MAP4K3: variants seen among roughly 807,000 people sequenced by gnomAD.
The protein encoded by MAP4K3 is MAPK/ERK kinase kinase kinase 3.
Under a neutral mutation model 143.5 loss-of-function variants are expected in MAP4K3, and 94 were observed. The observed-to-expected ratio is 0.65, with a 90% CI of 0.55 to 0.78. MAP4K3 has a LOEUF of 0.78. Ranked by LOEUF, MAP4K3 falls within the 30% of genes least tolerant of loss-of-function variation. The pLI, the probability that MAP4K3 is intolerant of heterozygous loss-of-function variation, is 0.00. For missense variants in MAP4K3, 1,077 were observed against 1,068.1 expected (o/e 1.01, Z -0.12); for synonymous variants, 416 against 347.2 (o/e 1.20, Z -2.20).
At chr2:39,338,179 G>C (rs1665032104) in intron 4 of MAP4K3, among the ~76,000 whole-genome samples, 2 of 152,134 alleles carry the variant, frequency 1.3e-5, no homozygotes, top group South Asian at 4.1e-4. Context: ...AATGTCTAAA[G>C]TAGTCACTGA....
In MAP4K3 at chr2:39,309,551, T is replaced by TTTA. The variant is rs1442170394; in HGVS notation, c.998-33_998-32insTAA. The TTTA allele has an allele frequency of 7.7e-5, 67 of 872,800 alleles. 1 individual carries two copies. Among genetic ancestry groups the TTTA allele is most frequent in the Non-Finnish European group, 9.7e-5 (63 of 646,454 alleles). The allele number at this position is 872,800 out of a possible 1,614,324, so 54.1% of individuals were successfully genotyped here. ...AAGAAAAAAAAGTAAAACCAGGATT[T>TTTA]TTTTTTTTTTTTTTTTTTTTTTTTG... is the stretch of plus-strand genomic sequence containing the variant. On this transcript the variant is annotated intron_variant, in intron 13 of 33. Transcript: ENST00000263881.
At chr2:39,348,173 C>T (rs996919447) in intron 3 of MAP4K3, among the ~76,000 whole-genome samples, 1 of 152,026 alleles carries the variant, frequency 6.6e-6, no homozygotes, top group Middle Eastern at 3.2e-3. Context: ...AGTTTGAAAA[C>T]AATTTTCCTT....
intron 1 of MAP4K3, among the ~76,000 whole-genome samples, chr2:39,385,551 CATATATATAT>C (rs140387430): frequency 0.036 from 4,049 of 111,090 alleles, 99 homozygotes; most frequent in Middle Eastern, 0.071. Context: ...GAGCGTTCTT[CATATATATAT>C]ATATATATAT....
chr2:39,408,572 T>C (rs957674504), intron 1 of MAP4K3, among the ~76,000 whole-genome samples: 4 of 151,520 alleles, frequency 2.6e-5, no homozygotes, highest in African/African-American at 4.9e-5. Flanking sequence ...TGCCCAGATG[T>C]TGCACATGAC....
intron 1 of MAP4K3, among the ~76,000 whole-genome samples, chr2:39,413,716 G>A (rs1182187899): frequency 7.1e-6 from 1 of 139,996 alleles, no homozygotes; most frequent in Non-Finnish European, 1.6e-5. Context: ...CCAGACAGGG[G>A]AGTCCGTTAA....
intron 13 of MAP4K3, among the ~76,000 whole-genome samples, 163 bp from the exon 14 acceptor site, chr2:39,309,682 C>T (rs879282840): frequency 4.0e-5 from 6 of 150,828 alleles, no homozygotes; most frequent in Non-Finnish European, 8.9e-5. Flanking sequence ...CTCAGCCTCC[C>T]GAGTAGCTGG....
At chr2:39,323,030 AT>A (rs1371319222) in intron 12 of MAP4K3, among the ~76,000 whole-genome samples, 2 of 152,164 alleles carry the variant, frequency 1.3e-5, no homozygotes, top group African/African-American at 4.8e-5. Flanking sequence ...AAATTCTTAG[AT>A]ACATTCGTAT....
chr2:39,358,444 G>T (rs1558664548), intron 2 of MAP4K3, among the ~76,000 whole-genome samples: 1 of 152,128 alleles, frequency 6.6e-6, no homozygotes, highest in Non-Finnish European at 1.5e-5. Context: ...TCATCCAATT[G>T]TTAGCATGTT....
At chr2:39,274,166 A>C (rs545169509) in intron 24 of MAP4K3, among the ~76,000 whole-genome samples, 1 of 152,134 alleles carries the variant, frequency 6.6e-6, no homozygotes, top group East Asian at 1.9e-4. Flanking sequence ...AAAGGTATTT[A>C]TGTATAGTTT....
At chr2:39,270,302 A>G (rs931458132) in intron 26 of MAP4K3, among the ~76,000 whole-genome samples, 1 of 152,212 alleles carries the variant, frequency 6.6e-6, no homozygotes, top group Admixed American at 6.5e-5. Context: ...TTCTATAGTG[A>G]TCTATAGACT....
intron 1 of MAP4K3, among the ~76,000 whole-genome samples, chr2:39,378,551 C>G (rs1666280671): frequency 6.6e-6 from 1 of 152,124 alleles, no homozygotes; most frequent in African/African-American, 2.4e-5. Context: ...TCTAACTCCA[C>G]AGTCTGAGCC....
Position 39,273,208 on chromosome 2 carries a change from C to T in MAP4K3, c.1795-666G>A, listed in dbSNP as rs185352452. On this transcript the variant is annotated intron_variant, in intron 24 of 33. Transcript: ENST00000263881. ...CTATATATTTAAAAAAAAATACTCT[C>T]ATTAAGACATTTCGTTATGCGTATC... Among the ~76,000 whole-genome samples the T allele has an allele frequency of 2.0e-5, 3 of 152,216 alleles. No homozygotes were observed. In the East Asian group the frequency reaches 5.8e-4, roughly 29 times the overall value.
chr2:39,250,904 ACCTCTAGGCCAGTGTT>A (rs1680130386), intron 33 of MAP4K3, among the ~76,000 whole-genome samples, 199 bp from the exon 34 acceptor site: 1 of 152,104 alleles, frequency 6.6e-6, no homozygotes, highest in South Asian at 2.1e-4. Flanking sequence ...ACTACCTCCC[ACCTCTAGGCCAGTGTT>A]CTTCTAAGAG....
chr2:39,426,159 G>C (rs1256120349), intron 1 of MAP4K3, among the ~76,000 whole-genome samples: 2 of 152,088 alleles, frequency 1.3e-5, no homozygotes, highest in Non-Finnish European at 2.9e-5. Context: ...ATTCACTGAG[G>C]ATACACATCA....
At chr2:39,426,768 C>T (rs1296373408) in intron 1 of MAP4K3, among the ~76,000 whole-genome samples, 1 of 151,618 alleles carries the variant, frequency 6.6e-6, no homozygotes, top group Non-Finnish European at 1.5e-5. Context: ...ATTAGACAGA[C>T]ATAATTAAAG....
intron 15 of MAP4K3, among the ~76,000 whole-genome samples, chr2:39,305,830 A>ATT (rs1227094657): frequency 2.1e-5 from 3 of 144,680 alleles, no homozygotes; most frequent in South Asian, 2.2e-4. Flanking sequence ...AGTATTTGTA[A>ATT]TTTTTTTTTT....
intron 13 of MAP4K3, among the ~76,000 whole-genome samples, chr2:39,312,614 G>A (rs918539991): frequency 6.6e-6 from 1 of 152,280 alleles, no homozygotes. Flanking sequence ...CTCCAGTTAT[G>A]TCTGGGTGTG....
intron 32 of MAP4K3, among the ~76,000 whole-genome samples, chr2:39,253,144 T>C (rs1020499505): frequency 2.0e-5 from 3 of 152,168 alleles, no homozygotes; most frequent in Non-Finnish European, 2.9e-5. Flanking sequence ...CACCTTTTTT[T>C]TGGAGGGGGA....
intron 13 of MAP4K3, among the ~76,000 whole-genome samples, chr2:39,313,143 C>A (rs1682996395): frequency 6.6e-6 from 1 of 152,212 alleles, no homozygotes; most frequent in Admixed American, 6.5e-5. Context: ...CAGAATCTTC[C>A]AGTTACTCTT....
Sources: gnomAD v4.1 joint callset for allele counts (sites outside exome capture counted in the v4.1 genomes callset) on GRCh38, gnomAD v4.1.1 for gene constraint, MANE v1.5 for transcripts, NCBI Gene and HGNC (gene_info 2026-07-23, HGNC 2026-07-21) for gene names.